KIF16B: variants seen among roughly 807,000 people sequenced by gnomAD.
KIF16B encodes the protein kinesin-like protein KIF16B.
Under a neutral mutation model 156.3 loss-of-function variants are expected in KIF16B, and 98 were observed. That is an observed-to-expected ratio of 0.63 (90% confidence interval 0.53 to 0.74). The LOEUF is 0.74. Among genes scored for constraint, KIF16B ranks in the 30% least tolerant of loss-of-function variants. The probability of loss-of-function intolerance (pLI) is 0.00; values close to 1 mark genes in which losing one functional copy is unlikely to be tolerated. For missense variants in KIF16B, 1,421 were observed against 1,606.5 expected (o/e 0.88, Z 1.97); for synonymous variants, 564 against 583.7 (o/e 0.97, Z 0.49).
At chr20:16,516,169 C>T (rs571266749) in intron 3 of KIF16B, among the ~76,000 whole-genome samples, 58 of 152,246 alleles carry the variant, frequency 3.8e-4, no homozygotes, top group African/African-American at 1.3e-3. Context: ...AGCTGAGTGA[C>T]GGGTGGCTGT....
intron 7 of KIF16B, among the ~76,000 whole-genome samples, chr20:16,507,402 C>A (rs1207620762): frequency 6.6e-6 from 1 of 152,166 alleles, no homozygotes; most frequent in African/African-American, 2.4e-5. Flanking sequence ...TTTTTGCATT[C>A]ATCTATTCTA....
chr20:16,563,595 T>A (rs940397553), intron 1 of KIF16B, among the ~76,000 whole-genome samples: 3 of 152,178 alleles, frequency 2.0e-5, no homozygotes, highest in Non-Finnish European at 4.4e-5. Flanking sequence ...AACTGCTATA[T>A]ATCACACAAC....
intron 13 of KIF16B, among the ~76,000 whole-genome samples, chr20:16,429,485 T>A (rs2066443356): frequency 6.6e-6 from 1 of 152,120 alleles, no homozygotes; most frequent in Admixed American, 6.6e-5. Context: ...CCAAGCCCAA[T>A]AATGCAGGTG....
At chr20:16,534,396 G>C (rs1270227461) in intron 1 of KIF16B, among the ~76,000 whole-genome samples, 2 of 152,158 alleles carry the variant, frequency 1.3e-5, no homozygotes, top group African/African-American at 4.8e-5. Context: ...TTACTGTTGA[G>C]TTCCTTGTAT....
At chr20:16,301,536 T>C (rs2063471107) in intron 25 of KIF16B, among the ~76,000 whole-genome samples, 1 of 152,244 alleles carries the variant, frequency 6.6e-6, no homozygotes, top group African/African-American at 2.4e-5. Context: ...ATCAGGCGTA[T>C]GGTGGTATCT....
intron 22 of KIF16B, 114 bp downstream of exon 22, chr20:16,370,472 A>C (rs2064789915): frequency 1.1e-5 from 8 of 755,036 alleles, no homozygotes; most frequent in Non-Finnish European, 1.6e-5. Context: ...ATTAGCCATT[A>C]ATCTTGCCGG....
chr20:16,519,878 T>A (rs1203229739), intron 3 of KIF16B, among the ~76,000 whole-genome samples: 1 of 152,164 alleles, frequency 6.6e-6, no homozygotes, highest in Non-Finnish European at 1.5e-5. Flanking sequence ...GGTGAGCAGA[T>A]GCAGGGTTGA....
chr20:16,366,372 A>AGAAAGTGAGACTCT (rs1463630231), intron 22 of KIF16B, among the ~76,000 whole-genome samples: 1 of 152,184 alleles, frequency 6.6e-6, no homozygotes, highest in Non-Finnish European at 1.5e-5. Context: ...AAGCCACGAG[A>AGAAAGTGAGACTCT]GAAAGTGAGA....
chr20:16,357,617 C>T (rs1470501550), intron 22 of KIF16B, among the ~76,000 whole-genome samples: 1 of 152,208 alleles, frequency 6.6e-6, no homozygotes. Flanking sequence ...GGGCAATAAG[C>T]TCCCTTTCTC....
At chr20:16,547,728 C>T (rs985223801) in intron 1 of KIF16B, among the ~76,000 whole-genome samples, 5 of 152,206 alleles carry the variant, frequency 3.3e-5, no homozygotes, top group African/African-American at 9.6e-5. Context: ...TAGCAACACT[C>T]TAAACACATG....
chr20:16,326,038 T>C (rs761720808), intron 24 of KIF16B, among the ~76,000 whole-genome samples: 1 of 151,764 alleles, frequency 6.6e-6, no homozygotes, highest in African/African-American at 2.4e-5. Flanking sequence ...AATAAAAACA[T>C]AAAGTGGGGA....
At chr20:16,441,774 C>T (rs1397777648) in intron 12 of KIF16B, among the ~76,000 whole-genome samples, 1 of 152,126 alleles carries the variant, frequency 6.6e-6, no homozygotes, top group Admixed American at 6.6e-5. Context: ...CCTTCATTTG[C>T]CAGCTACCTT....
intron 6 of KIF16B, among the ~76,000 whole-genome samples, chr20:16,510,155 C>T (rs2068911366): frequency 6.6e-6 from 1 of 152,148 alleles, no homozygotes; most frequent in African/African-American, 2.4e-5. Flanking sequence ...GATGTTTGCT[C>T]TGTTTTGCTA....
In KIF16B at chr20:16,333,090, TC is replaced by T. The variant is rs530012117; in HGVS notation, c.3711+2835del. On this transcript the variant is annotated intron_variant, in intron 24 of 25. Transcript: ENST00000354981. Reference sequence around the variant, plus strand: ...CAAGGCTCCACATGATAGAGTCCCTTCCTACCTCTTTGCCCACATTCCTCTA... The same window carrying T: ...CAAGGCTCCACATGATAGAGTCCCTTCTACCTCTTTGCCCACATTCCTCTA... Among the ~76,000 whole-genome samples, 48 of 152,256 alleles carry T rather than the reference TC, an allele frequency of 3.2e-4. No homozygotes were observed. The South Asian group carries it at 9.5e-3, about 30-fold the overall frequency.
At chr20:16,559,545 G>C (rs1418309621) in intron 1 of KIF16B, among the ~76,000 whole-genome samples, 1 of 151,986 alleles carries the variant, frequency 6.6e-6, no homozygotes, top group Non-Finnish European at 1.5e-5. Flanking sequence ...AACACAGAAG[G>C]ATCACTTGAG....
At chr20:16,565,165 G>A (rs543149472) in intron 1 of KIF16B, among the ~76,000 whole-genome samples, 19 of 152,308 alleles carry the variant, frequency 1.2e-4, no homozygotes, top group African/African-American at 3.4e-4. Flanking sequence ...GTTCTCAAAT[G>A]TTGTGGCCTC....
chr20:16,527,648 C>T (rs1260047063), intron 2 of KIF16B, among the ~76,000 whole-genome samples: 1 of 152,176 alleles, frequency 6.6e-6, no homozygotes, highest in Admixed American at 6.5e-5. Context: ...ACAAACAGGG[C>T]TCACTGTAGC....
intron 17 of KIF16B, among the ~76,000 whole-genome samples, chr20:16,386,778 C>G (rs2065240175): frequency 6.6e-6 from 1 of 152,080 alleles, no homozygotes; most frequent in Non-Finnish European, 1.5e-5. Context: ...AGACCAAATT[C>G]TGGCTCCTAT....
At chr20:16,512,711 A>T (rs878904234) in intron 5 of KIF16B, 115 bp downstream of exon 5, 2 of 640,316 alleles carry the variant, frequency 3.1e-6, no homozygotes, top group South Asian at 2.2e-5. Context: ...GGGAAAAGGG[A>T]AGACTTTTTC....
Sources: gnomAD v4.1 joint callset for allele counts (sites outside exome capture counted in the v4.1 genomes callset) on GRCh38, gnomAD v4.1.1 for gene constraint, MANE v1.5 for transcripts, NCBI Gene and HGNC (gene_info 2026-07-23, HGNC 2026-07-21) for gene names.